The following UBL3 variants were observed in gnomAD, a reference collection of about 807,000 sequenced individuals.
The protein encoded by UBL3 is ubiquitin-like protein 3.
UBL3 carries 6 observed loss-of-function variants against 18.4 expected under a neutral mutation model. The observed-to-expected ratio is 0.33, with a 90% CI of 0.18 to 0.64. The LOEUF is 0.64. UBL3 is among the 30% of genes least tolerant of loss of function. The pLI, the probability that UBL3 is intolerant of heterozygous loss-of-function variation, is 0.76. For synonymous variants in UBL3, 49 were observed against 46.6 expected (o/e 1.05, Z -0.21); for missense variants, 109 against 142.9 (o/e 0.76, Z 1.21).
chr13:29,804,888 G>C (rs1877862273), intron 1 of UBL3, among the ~76,000 whole-genome samples: 1 of 152,150 alleles, frequency 6.6e-6, no homozygotes, highest in South Asian at 2.1e-4. Context: ...AGAGATTACA[G>C]AAACAGCTTA....
At chr13:29,790,967 A>G (rs1877465738) in intron 1 of UBL3, among the ~76,000 whole-genome samples, 1 of 152,118 alleles carries the variant, frequency 6.6e-6, no homozygotes, top group Non-Finnish European at 1.5e-5. Context: ...AATATTCCCA[A>G]ACTAATTATC....
chr13:29,804,269 A>G (rs906208462), intron 1 of UBL3, among the ~76,000 whole-genome samples: 5 of 152,134 alleles, frequency 3.3e-5, no homozygotes, highest in African/African-American at 1.2e-4. Flanking sequence ...CTTTGAAACT[A>G]ATGAGAACAA....
intron 1 of UBL3, among the ~76,000 whole-genome samples, chr13:29,823,408 C>T (rs1221584678): frequency 2.0e-5 from 3 of 152,212 alleles, no homozygotes. Context: ...TCCCAAACTG[C>T]TGGGATTACA....
At chr13:29,806,533 T>C (rs551269080) in intron 1 of UBL3, among the ~76,000 whole-genome samples, 2 of 152,292 alleles carry the variant, frequency 1.3e-5, no homozygotes, top group African/African-American at 2.4e-5. Flanking sequence ...CATCCATGTC[T>C]GTCATAAGTA....
chr13:29,793,803 G>A (rs1877541206), intron 1 of UBL3, among the ~76,000 whole-genome samples: 3 of 152,122 alleles, frequency 2.0e-5, no homozygotes, highest in South Asian at 4.1e-4. Context: ...GAACCAATGT[G>A]TGTTACTAAG....
At chr13:29,842,997 A>G (rs952804877) in intron 1 of UBL3, among the ~76,000 whole-genome samples, 5 of 152,236 alleles carry the variant, frequency 3.3e-5, no homozygotes, top group African/African-American at 1.2e-4. Flanking sequence ...CACCCATAGC[A>G]AATTAAAACC....
chr13:29,842,397 G>A (rs1359187767), intron 1 of UBL3, among the ~76,000 whole-genome samples: 1 of 151,986 alleles, frequency 6.6e-6, no homozygotes, highest in Non-Finnish European at 1.5e-5. Flanking sequence ...GACCTCAAGT[G>A]ATCCACCCAC....
chr13:29,810,116 GGAGAAACT>G (rs1244344211), intron 1 of UBL3, among the ~76,000 whole-genome samples: 3 of 152,092 alleles, frequency 2.0e-5, no homozygotes, highest in African/African-American at 7.2e-5. Flanking sequence ...TATGAATAAT[GGAGAAACT>G]GAGGAATTAA....
chr13:29,842,134 CTTTTTTTTTTTT>C (rs201006689), intron 1 of UBL3, among the ~76,000 whole-genome samples: 43 of 127,970 alleles, frequency 3.4e-4, no homozygotes, highest in East Asian at 7.2e-4. Context: ...CATTCTCTTT[CTTTTTTTTTTTT>C]TTTTTTTTTT....
chr13:29,840,394 T>C (rs539634773), intron 1 of UBL3, among the ~76,000 whole-genome samples: 1 of 152,346 alleles, frequency 6.6e-6, no homozygotes, highest in Admixed American at 6.5e-5. Flanking sequence ...AGTGAATTCT[T>C]TCAAACATTT....
intron 2 of UBL3, among the ~76,000 whole-genome samples, 200 bp downstream of exon 2, chr13:29,776,955 C>G (rs1244205556): frequency 1.3e-5 from 2 of 149,080 alleles, no homozygotes; most frequent in Non-Finnish European, 3.0e-5. Flanking sequence ...CCATTGCATT[C>G]TGGGCTCCTT....
chr13:29,831,990 C>T (rs1442165056), intron 1 of UBL3, among the ~76,000 whole-genome samples: 1 of 152,056 alleles, frequency 6.6e-6, no homozygotes, highest in Non-Finnish European at 1.5e-5. Flanking sequence ...GAAGAAAGTG[C>T]CCAATAGACA....
At chr13:29,786,335 C>T (rs560055716) in intron 1 of UBL3, among the ~76,000 whole-genome samples, 4 of 152,314 alleles carry the variant, frequency 2.6e-5, no homozygotes, top group South Asian at 4.1e-4. Flanking sequence ...GCCCCAAGGC[C>T]TTTACACAGG....
intron 1 of UBL3, among the ~76,000 whole-genome samples, chr13:29,848,989 C>G (rs895607952): frequency 6.6e-6 from 1 of 152,226 alleles, no homozygotes; most frequent in Non-Finnish European, 1.5e-5. Flanking sequence ...CTGTTGCCAT[C>G]CGTATTCAGA....
intron 1 of UBL3, among the ~76,000 whole-genome samples, chr13:29,813,264 C>CA (rs1878159141): frequency 6.6e-6 from 1 of 152,020 alleles, no homozygotes; most frequent in South Asian, 2.1e-4. Flanking sequence ...TCAGTAATTG[C>CA]ATAGAACGTC....
At chr13:29,841,753 A>G (rs1243345438) in intron 1 of UBL3, among the ~76,000 whole-genome samples, 1 of 152,138 alleles carries the variant, frequency 6.6e-6, no homozygotes, top group Non-Finnish European at 1.5e-5. Flanking sequence ...CCAAACTCCT[A>G]TTCTAGCTCA....
intron 2 of UBL3, among the ~76,000 whole-genome samples, chr13:29,775,551 A>G (rs1168353880): frequency 1.3e-5 from 2 of 152,184 alleles, no homozygotes; most frequent in African/African-American, 4.8e-5. Context: ...ATGATACATG[A>G]CATAAGGATC....
chr13:29,781,424 CAA>C (rs1877170799), intron 1 of UBL3, among the ~76,000 whole-genome samples: 1 of 152,032 alleles, frequency 6.6e-6, no homozygotes, highest in East Asian at 1.9e-4. Flanking sequence ...ACATTTAATT[CAA>C]AGAGTACTCA....
At chr13:29,834,403 CT>C (rs1878866501) in intron 1 of UBL3, among the ~76,000 whole-genome samples, 1 of 151,864 alleles carries the variant, frequency 6.6e-6, no homozygotes, top group African/African-American at 2.4e-5. Flanking sequence ...ATAATACAGT[CT>C]TTCTCTTTAC....
Sources: allele counts gnomAD v4.1 joint callset (sites outside exome capture counted in the v4.1 genomes callset), GRCh38; gene constraint gnomAD v4.1.1; transcripts MANE v1.5; gene names NCBI Gene and HGNC (gene_info 2026-07-23, HGNC 2026-07-21).